Variants in SLC35F4 observed in about 807,000 individuals in gnomAD.
SLC35F4 encodes chromosome 14 open reading frame 36.
SLC35F4 carries 24 observed loss-of-function variants against 44.2 expected under a neutral mutation model. The ratio of observed to expected loss-of-function variants is 0.54; its 90% CI spans 0.39 to 0.76. The LOEUF is 0.76. Among genes scored for constraint, SLC35F4 ranks in the 30% least tolerant of loss-of-function variants. SLC35F4 has a pLI of 0.00. For missense variants in SLC35F4, 562 were observed against 586.1 expected (o/e 0.96, Z 0.42); for synonymous variants, 238 against 223.6 (o/e 1.06, Z -0.57).
At chr14:57,630,456 A>T (rs762887424) in intron 1 of SLC35F4, 15 of 796,342 alleles carry the variant, frequency 1.9e-5, no homozygotes, top group Non-Finnish European at 3.3e-5. Context: ...TCCAAGTCCC[A>T]GCCCAAGAGA....
intron 1 of SLC35F4, among the ~76,000 whole-genome samples, chr14:57,950,257 G>A (rs1293909544): frequency 6.6e-6 from 1 of 151,564 alleles, no homozygotes; most frequent in Non-Finnish European, 1.5e-5. Context: ...GTCTGATTGG[G>A]TTAATTTGAA....
chr14:57,656,954 G>A lies in SLC35F4; in HGVS notation c.104-62830C>T, dbSNP rs1487540816. The stretch of plus-strand genomic sequence containing the variant: ...TACATTACGTCTTTGTTATTAGATA[G>A]CATGGACTGTAAGGAATATAAATAT... On this transcript the variant is annotated intron_variant, in intron 1 of 7. Coordinates refer to ENST00000556826, the MANE Select transcript of SLC35F4 (RefSeq NM_001306087.2). Among the ~76,000 whole-genome samples the A allele has an allele frequency of 2.0e-5, 3 of 152,138 alleles. No homozygotes were observed. The East Asian group carries it at 5.8e-4, about 29-fold the overall frequency.
chr14:57,974,269 G>A (rs936516897), downstream of SLC35F4, among the ~76,000 whole-genome samples: 2 of 152,116 alleles, frequency 1.3e-5, no homozygotes, highest in African/African-American at 4.8e-5. Flanking sequence ...GGCAATCTTG[G>A]TGCAGTCAAA....
intron 1 of SLC35F4, among the ~76,000 whole-genome samples, chr14:57,647,897 C>T (rs934642146): frequency 3.9e-5 from 6 of 152,102 alleles, no homozygotes; most frequent in Admixed American, 1.3e-4. Flanking sequence ...CCAGAATCCC[C>T]GCTACCCTGA....
intron 1 of SLC35F4, among the ~76,000 whole-genome samples, chr14:57,658,469 A>G (rs2074037180): frequency 6.6e-6 from 1 of 152,172 alleles, no homozygotes; most frequent in South Asian, 2.1e-4. Flanking sequence ...AGGTCTGCAT[A>G]TATTTGAGAT....
intron 1 of SLC35F4, among the ~76,000 whole-genome samples, chr14:57,830,965 C>A (rs1232741443): frequency 6.6e-6 from 1 of 152,164 alleles, no homozygotes; most frequent in Non-Finnish European, 1.5e-5. Flanking sequence ...ATTTGAAGCA[C>A]TGGGGGTGCA....
At chr14:57,850,131 G>A (rs1408813960) in intron 1 of SLC35F4, among the ~76,000 whole-genome samples, 1 of 152,140 alleles carries the variant, frequency 6.6e-6, no homozygotes, top group Admixed American at 6.5e-5. Context: ...CTCTGTATGT[G>A]TATATGAATG....
intron 1 of SLC35F4, among the ~76,000 whole-genome samples, chr14:57,968,714 G>A (rs913325975): frequency 6.6e-6 from 1 of 152,074 alleles, no homozygotes; most frequent in Admixed American, 6.5e-5. Flanking sequence ...CAGGGCGTGG[G>A]GGGTGTTCAA....
intron 1 of SLC35F4, among the ~76,000 whole-genome samples, chr14:57,637,747 G>A (rs184281495): frequency 1.3e-5 from 2 of 152,064 alleles, no homozygotes; most frequent in Admixed American, 1.3e-4. Context: ...AGGAGACTAG[G>A]GCATGAAGCT....
At chr14:57,944,434 A>T (rs1889971457) in intron 1 of SLC35F4, among the ~76,000 whole-genome samples, 1 of 152,080 alleles carries the variant, frequency 6.6e-6, no homozygotes, top group Non-Finnish European at 1.5e-5. Context: ...TTCCTAACAA[A>T]AAAGAGCATT....
At position 57,928,503 on chromosome 14, in the gene SLC35F4, A is replaced by T. The variant is rs140406690; in HGVS notation, n.282+53410T>A. ...ACACTTTTTCCTCGGGCATTAACTG[A>T]GGCTGAGAGGGAAACCTGGGCCTCT... On this transcript the variant is annotated intron_variant and non_coding_transcript_variant, in intron 1 of 1. Transcript: ENST00000556568. 7.1e-3 allele frequency among the ~76,000 whole-genome samples: 1,087 copies of T among 152,300 alleles called. 14 individuals are homozygous for T. Among genetic ancestry groups the T allele is most frequent in the Non-Finnish European group, 0.013 (880 of 68,022 alleles).
chr14:57,927,091 C>T (rs1889589277), intron 1 of SLC35F4, among the ~76,000 whole-genome samples: 1 of 152,144 alleles, frequency 6.6e-6, no homozygotes, highest in South Asian at 2.1e-4. Context: ...AGAGATGGCC[C>T]CTGCAAGTGA....
chr14:57,938,725 ACTC>A (rs1354441088), intron 1 of SLC35F4, among the ~76,000 whole-genome samples: 5 of 151,958 alleles, frequency 3.3e-5, no homozygotes, highest in African/African-American at 1.2e-4. Context: ...GGGACTCTAA[ACTC>A]CTGACAGGTT....
At chr14:57,721,047 A>G (rs189369547) in intron 1 of SLC35F4, among the ~76,000 whole-genome samples, 1 of 130,596 alleles carries the variant, frequency 7.7e-6, no homozygotes, top group African/African-American at 2.8e-5. Flanking sequence ...ATATATATAT[A>G]TCTCCTATTA....
chr14:57,946,716 T>A (rs1890038687), intron 1 of SLC35F4, among the ~76,000 whole-genome samples: 1 of 152,138 alleles, frequency 6.6e-6, no homozygotes, highest in Non-Finnish European at 1.5e-5. Flanking sequence ...CCTCAAGTGA[T>A]CTACCTGCCT....
intron 1 of SLC35F4, among the ~76,000 whole-genome samples, chr14:57,736,544 G>T (rs2076468977): frequency 6.6e-6 from 1 of 152,188 alleles, no homozygotes; most frequent in African/African-American, 2.4e-5. Flanking sequence ...TGAGCACAGA[G>T]TGCTCTCTCC....
intron 1 of SLC35F4, among the ~76,000 whole-genome samples, chr14:57,768,954 T>C (rs1163100659): frequency 6.6e-6 from 1 of 152,148 alleles, no homozygotes; most frequent in Non-Finnish European, 1.5e-5. Flanking sequence ...GGTTTCACCA[T>C]GTTGGCCAGG....
chr14:57,818,455 A>G (rs1384106914), intron 1 of SLC35F4, among the ~76,000 whole-genome samples: 7 of 152,174 alleles, frequency 4.6e-5, no homozygotes, highest in Admixed American at 4.6e-4. Flanking sequence ...TGGGCAAAGA[A>G]AGGATCACTG....
At chr14:57,906,601 G>C (rs1889107522) in intron 1 of SLC35F4, among the ~76,000 whole-genome samples, 1 of 152,146 alleles carries the variant, frequency 6.6e-6, no homozygotes, top group Non-Finnish European at 1.5e-5. Flanking sequence ...AAGTGGGATT[G>C]CTGGATTAAA....
Sources: allele counts gnomAD v4.1 joint callset (sites outside exome capture counted in the v4.1 genomes callset), GRCh38; gene constraint gnomAD v4.1.1; transcripts MANE v1.5; gene names NCBI Gene and HGNC (gene_info 2026-07-23, HGNC 2026-07-21).